ADGRV1: variants seen among roughly 807,000 people sequenced by gnomAD.
ADGRV1 encodes the protein adhesion G protein-coupled receptor V1.
In ADGRV1, 359 loss-of-function variants were observed where a neutral mutation model predicts 596.2. That is an observed-to-expected ratio of 0.60 (90% confidence interval 0.55 to 0.66). The LOEUF (loss-of-function observed/expected upper bound fraction) is 0.66, where lower values mean the gene tolerates loss of function less well. Among genes scored for constraint, ADGRV1 ranks in the 30% least tolerant of loss-of-function variants. ADGRV1 has a pLI of 0.00. For synonymous variants in ADGRV1, 2,681 were observed against 2,679.2 expected, an observed-to-expected ratio of 1.00 and a Z score of -0.02; for missense variants, 7,274 against 7,575.6, an observed-to-expected ratio of 0.96 and a Z score of 1.48.
At chr5:90,785,384 C>T (rs1441089773) in intron 67 of ADGRV1, among the ~76,000 whole-genome samples, 3 of 152,158 alleles carry the variant, frequency 2.0e-5, no homozygotes, top group Non-Finnish European at 4.4e-5. Flanking sequence ...GCAATGGCAA[C>T]AAAAGCCAAA....
At chr5:90,595,400 C>A (rs1264731970) in intron 1 of ADGRV1, among the ~76,000 whole-genome samples, 1 of 24,418 alleles carries the variant, frequency 4.1e-5, no homozygotes. Context: ...GACCCCCCCA[C>A]CTCCCTCCCG....
intron 86 of ADGRV1, among the ~76,000 whole-genome samples, chr5:91,101,489 A>G (rs1384058335): frequency 2.0e-5 from 3 of 152,184 alleles, no homozygotes; most frequent in Non-Finnish European, 2.9e-5. Context: ...TAAATCTTAT[A>G]TAACTTGTCA....
chr5:90,923,872 T>C (rs1308806499), intron 83 of ADGRV1, among the ~76,000 whole-genome samples: 1 of 147,692 alleles, frequency 6.8e-6, no homozygotes, highest in Non-Finnish European at 1.5e-5. Context: ...TGAGTGAGAA[T>C]ATGCAGTGTT....
chr5:90,627,551 A>G lies in ADGRV1; in HGVS notation c.1013A>G (p.His338Arg), dbSNP rs1764928931. The change falls in exon 7 of 90, where the codon CAT (histidine) becomes CGT (arginine). Residue 338 changes from histidine (H) to arginine (R), a missense_variant. Transcript: ENST00000405460. ...NTTVVFPPFI[H>R]ESHLKFQIVD... ...ACTGTTGTTTTTCCACCTTTTATTC[A>G]TGAATCTCACTTGAAATTTCAAATA... is the stretch of plus-strand genomic sequence containing the variant. 2.5e-6 allele frequency: 4 copies of G among 1,613,850 alleles called. No homozygotes were observed. The highest frequency in any genetic ancestry group is 1.3e-5 in the African/African-American group (1 of 75,048).
At chr5:90,803,006 G>C (rs952924883) in intron 71 of ADGRV1, 124 bp downstream of exon 71, 10 of 659,700 alleles carry the variant, frequency 1.5e-5, no homozygotes, top group Middle Eastern at 4.2e-4. Context: ...AAATAACTCT[G>C]TGAATATCAA....
intron 1 of ADGRV1, among the ~76,000 whole-genome samples, chr5:90,577,189 G>T (rs1389189336): frequency 1.3e-5 from 2 of 152,156 alleles, no homozygotes; most frequent in Non-Finnish European, 2.9e-5. Context: ...TGAAGCCCTT[G>T]CCCATGCCTA....
Position 90,647,677 on chromosome 5 carries a change from A to C in ADGRV1, c.3202A>C (p.Arg1068=), listed in dbSNP as rs765771236. 3.7e-6 allele frequency: 6 copies of C among 1,613,958 alleles called. No homozygotes were observed. The South Asian group carries it at 4.4e-5, about 12-fold the overall frequency. ...GETLIFEVGS[R]QQSISIFVNE... ...AACGCTCATTTTTGAGGTTGGAAGT[A>C]GACAGCAGAGCATATCCATATTTGT... The change falls in exon 17 of 90, where the codon AGA becomes CGA. Residue 1068 remains arginine (R), a synonymous_variant. Coordinates refer to ENST00000405460, the MANE Select transcript of ADGRV1 (RefSeq NM_032119.4).
chr5:90,613,979 C>T (rs1763028757), intron 1 of ADGRV1, among the ~76,000 whole-genome samples: 1 of 151,820 alleles, frequency 6.6e-6, no homozygotes, highest in African/African-American at 2.4e-5. Context: ...CATAGATCCA[C>T]GGGAATCTTA....
intron 1 of ADGRV1, among the ~76,000 whole-genome samples, chr5:90,560,429 T>C (rs1300149949): frequency 6.6e-6 from 1 of 152,106 alleles, no homozygotes; most frequent in Non-Finnish European, 1.5e-5. Flanking sequence ...TTTAACACAA[T>C]ACCACCATAA....
At chr5:90,904,571 T>C (rs1333641927) in intron 83 of ADGRV1, among the ~76,000 whole-genome samples, 2 of 152,016 alleles carry the variant, frequency 1.3e-5, no homozygotes, top group South Asian at 2.1e-4. Context: ...CTTTGAGATA[T>C]GCCTATTCAG....
chr5:90,656,559 A>T (rs1769434082), intron 20 of ADGRV1, among the ~76,000 whole-genome samples: 1 of 152,168 alleles, frequency 6.6e-6, no homozygotes, highest in Non-Finnish European at 1.5e-5. Context: ...AGGATTTCCC[A>T]TTGAATCTGG....
intron 85 of ADGRV1, among the ~76,000 whole-genome samples, chr5:91,068,809 A>C (rs533200018): frequency 1.9e-4 from 29 of 152,072 alleles, no homozygotes; most frequent in East Asian, 1.5e-3. Flanking sequence ...TGAAACAAAA[A>C]AAAAAAAATA....
intron 29 of ADGRV1, among the ~76,000 whole-genome samples, chr5:90,688,298 G>A (rs1023935159): frequency 1.3e-5 from 2 of 152,170 alleles, no homozygotes; most frequent in Non-Finnish European, 2.9e-5. Flanking sequence ...ATGGGGAAAG[G>A]ATTCCCTATT....
chr5:91,082,184 C>T (rs1048658683), intron 86 of ADGRV1, among the ~76,000 whole-genome samples: 1 of 152,236 alleles, frequency 6.6e-6, no homozygotes, highest in African/African-American at 2.4e-5. Flanking sequence ...GTGCATATCA[C>T]TGCCATGCCA....
intron 50 of ADGRV1, among the ~76,000 whole-genome samples, chr5:90,741,402 T>C (rs1176929395): frequency 6.6e-6 from 1 of 152,236 alleles, no homozygotes; most frequent in East Asian, 1.9e-4. Flanking sequence ...ATTTGTTGAG[T>C]AAATTATGTA....
intron 61 of ADGRV1, 67 bp downstream of exon 61, chr5:90,776,643 T>A: frequency 6.7e-7 from 1 of 1,497,972 alleles, no homozygotes; most frequent in Non-Finnish European, 9.3e-7. Context: ...TCATTAGTCT[T>A]AAGTTTATCA....
chr5:91,025,875 G>A (rs1047921416), intron 85 of ADGRV1, among the ~76,000 whole-genome samples: 4 of 152,120 alleles, frequency 2.6e-5, no homozygotes, highest in African/African-American at 4.8e-5. Context: ...GCTTCAACAC[G>A]TGAAAGCATC....
intron 70 of ADGRV1, among the ~76,000 whole-genome samples, chr5:90,796,776 A>G (rs868074477): frequency 2.0e-5 from 3 of 152,234 alleles, no homozygotes; most frequent in Non-Finnish European, 2.9e-5. Context: ...CCGATCTCTC[A>G]GCACAAACCC....
chr5:90,787,916 A>G (rs1455914585), intron 67 of ADGRV1, among the ~76,000 whole-genome samples, 155 bp from the exon 68 acceptor site: 1 of 152,290 alleles, frequency 6.6e-6, no homozygotes, highest in African/African-American at 2.4e-5. Context: ...TTTAACAAAA[A>G]AAAACAAGTT....
Sources: allele counts gnomAD v4.1 joint callset (sites outside exome capture counted in the v4.1 genomes callset), GRCh38; gene constraint gnomAD v4.1.1; transcripts MANE v1.5; gene names NCBI Gene and HGNC (gene_info 2026-07-23, HGNC 2026-07-21).